The following MXD1 variants were observed in gnomAD, a reference collection of about 807,000 sequenced individuals.
MXD1 encodes the protein MAX-binding protein.
A neutral mutation model predicts 25.7 loss-of-function variants in MXD1; 9 were observed. The observed-to-expected ratio is 0.35, with a 90% CI of 0.21 to 0.61. MXD1 has a LOEUF of 0.61. Among genes scored for constraint, MXD1 ranks in the 20% least tolerant of loss-of-function variants. MXD1 has a pLI of 0.75. For missense variants in MXD1, 227 were observed against 292.4 expected (o/e 0.78, Z 1.63); for synonymous variants, 99 against 113.9 (o/e 0.87, Z 0.83).
At chr2:69,922,185 T>C (rs1036545476) in intron 3 of MXD1, among the ~76,000 whole-genome samples, 4 of 152,226 alleles carry the variant, frequency 2.6e-5, no homozygotes, top group African/African-American at 7.2e-5. Context: ...TTAACGTGTA[T>C]GTATGTGTAT....
At position 69,937,307 on chromosome 2, in the gene MXD1, A is replaced by T. The variant is rs763329171; in HGVS notation, c.391A>T (p.Arg131Trp). The change falls in exon 5 of 6, where the codon AGG becomes TGG. Residue 131 changes from arginine to tryptophan, a missense_variant. By Grantham distance (101) the Arg-to-Trp change is moderately radical. Coordinates refer to ENST00000264444, the MANE Select transcript of MXD1 (RefSeq NM_002357.4). ...QLQREQRHLKRQLEKLGIERI... is the reference protein window; with the variant it reads ...QLQREQRHLKWQLEKLGIERI... ...TCAGCGAGAGCAGCGACACCTGAAG[A>T]GGCAGCTGGAGAAGCTGGGCATTGA... 2 of 1,614,224 alleles carry T rather than the reference A, an allele frequency of 1.2e-6. No individual in the cohort carries two copies. Among genetic ancestry groups the T allele is most frequent in the Admixed American group, 3.3e-5 (2 of 60,032 alleles).
At chr2:69,930,899 A>G (rs950749659) in intron 3 of MXD1, among the ~76,000 whole-genome samples, 2 of 152,194 alleles carry the variant, frequency 1.3e-5, no homozygotes, top group Non-Finnish European at 2.9e-5. Context: ...CAGCCCTCCC[A>G]GGGAGGCGCT....
In MXD1 at chr2:69,942,245, C is replaced by G. The variant is rs1183349418; in HGVS notation, c.*3961C>G. 6.6e-6 allele frequency: 1 copy of G among 152,206 alleles called. No homozygotes were observed. Among genetic ancestry groups the G allele is most frequent in the East Asian group, 1.9e-4 (1 of 5,202 alleles). 9.4% of individuals were successfully genotyped at this position (152,206 alleles called of 1,614,324 possible). A position where few individuals can be genotyped will look rare whatever the true frequency, so the allele number is the denominator to read the frequency against. On this transcript the variant is annotated 3_prime_UTR_variant, in exon 6 of 6. Coordinates refer to ENST00000264444, the MANE Select transcript of MXD1 (RefSeq NM_002357.4). The stretch of plus-strand genomic sequence containing the variant: ...CCTGGTAGAAGACAACCCAAAGACC[C>G]TTTTCGATGAGGTGGTTTCTCATTC...
At position 69,924,887 on chromosome 2, in the gene MXD1, T is replaced by C. The variant is rs183553148; in HGVS notation, c.203+3122T>C. 3.2e-4 allele frequency among the ~76,000 whole-genome samples: 48 copies of C among 152,342 alleles called. 1 individual carries two copies. The East Asian group carries it at 8.1e-3, about 26-fold the overall frequency. On this transcript the variant is annotated intron_variant, in intron 3 of 5. Coordinates refer to ENST00000264444, the MANE Select transcript of MXD1 (RefSeq NM_002357.4). The stretch of plus-strand genomic sequence containing the variant: ...AATGGAAACCTTTTCTATGGCACTT[T>C]AGAGATTGTAAATAATTAGTGTTAC...
chr2:69,940,933 C>G lies in MXD1; in HGVS notation c.*2649C>G, dbSNP rs1488783123. 2 of 152,676 alleles carry G rather than the reference C, an allele frequency of 1.3e-5. No individual in the cohort carries two copies. Among genetic ancestry groups the G allele is most frequent in the African/African-American group, 4.8e-5 (2 of 41,466 alleles). The allele number at this position is 152,676 out of a possible 1,614,324, so 9.5% of individuals were successfully genotyped here. A position where few individuals can be genotyped will look rare whatever the true frequency, so the allele number is the denominator to read the frequency against. On this transcript the variant is annotated 3_prime_UTR_variant, in exon 6 of 6. Transcript: ENST00000264444. ...ATTCGCCAATTTGTCCTCTCTCATT[C>G]ACTGATCCACCAGCCTGACTGCTAA... is the stretch of plus-strand genomic sequence containing the variant.
intron 3 of MXD1, among the ~76,000 whole-genome samples, chr2:69,933,908 A>G (rs1363349861): frequency 6.6e-6 from 1 of 152,128 alleles, no homozygotes; most frequent in African/African-American, 2.4e-5. Context: ...ACCCCAGGGA[A>G]CTCTGCTCCA....
chr2:69,916,664 G>T (rs1390158035), intron 2 of MXD1, among the ~76,000 whole-genome samples: 1 of 152,100 alleles, frequency 6.6e-6, no homozygotes, highest in Admixed American at 6.5e-5. Flanking sequence ...ATAAGTGATA[G>T]GATCTCATAC....
chr2:69,932,838 C>A (rs1677324506), intron 3 of MXD1, among the ~76,000 whole-genome samples: 1 of 152,168 alleles, frequency 6.6e-6, no homozygotes, highest in Non-Finnish European at 1.5e-5. Flanking sequence ...TGACACTGTT[C>A]TGAATCATGC....
intron 2 of MXD1, among the ~76,000 whole-genome samples, chr2:69,917,091 T>C (rs999913920): frequency 1.3e-5 from 2 of 152,204 alleles, no homozygotes; most frequent in Non-Finnish European, 2.9e-5. Flanking sequence ...GTCACTAGTT[T>C]AGAATCCTTA....
intron 4 of MXD1, chr2:69,936,977 G>A (rs767127646): frequency 3.3e-6 from 2 of 599,216 alleles, no homozygotes; most frequent in African/African-American, 1.8e-5. Flanking sequence ...GGCTACCAGG[G>A]TGCCAGTATG....
intron 3 of MXD1, among the ~76,000 whole-genome samples, chr2:69,930,740 A>C (rs1456387514): frequency 6.6e-6 from 1 of 152,218 alleles, no homozygotes; most frequent in African/African-American, 2.4e-5. Flanking sequence ...GGAATATCAT[A>C]GTGCTCTTAT....
In MXD1 at chr2:69,938,372, C is replaced by A; in HGVS notation, c.*88C>A. The A allele has an allele frequency of 6.4e-6, 9 of 1,397,754 alleles. No homozygotes were observed. Among genetic ancestry groups the A allele is most frequent in the African/African-American group, 1.4e-5 (1 of 70,044 alleles). The allele number at this position is 1,397,754 out of a possible 1,614,324, so 86.6% of individuals were successfully genotyped here. A position where few individuals can be genotyped will look rare whatever the true frequency, so the allele number is the denominator to read the frequency against. On this transcript the variant is annotated 3_prime_UTR_variant, in exon 6 of 6. Coordinates refer to ENST00000264444, the MANE Select transcript of MXD1 (RefSeq NM_002357.4). ...ATTGGACCTGCCCACAACTCCCTTG[C>A]ACGTAAACTTCAGTGTCCCACCTTG... is the stretch of plus-strand genomic sequence containing the variant.
chr2:69,928,108 T>TA (rs1191980426), intron 3 of MXD1, among the ~76,000 whole-genome samples: 3 of 152,216 alleles, frequency 2.0e-5, no homozygotes, highest in Admixed American at 1.3e-4. Context: ...TGTTCCTTCT[T>TA]ACTCTATACT....
chr2:69,938,175 C>G lies in MXD1; in HGVS notation c.557C>G (p.Ser186Cys). Residue 186 changes from serine (S) to cysteine (C), a missense_variant, in exon 6 of 6, where the codon TCT (serine) becomes TGT (cysteine). Ser to Cys is a moderately radical substitution (Grantham distance 112). Coordinates refer to ENST00000264444, the MANE Select transcript of MXD1 (RefSeq NM_002357.4). ...LDWSSSSVSD[S>C]DERGSMQSLG... ...TGGAGCAGCAGCAGTGTGAGCGACT[C>G]TGACGAGCGGGGCAGCATGCAGAGC... The G allele has an allele frequency of 6.2e-7, 1 of 1,614,226 alleles. No individual in the cohort carries two copies. Among genetic ancestry groups the G allele is most frequent in the Non-Finnish European group, 8.5e-7 (1 of 1,180,040 alleles).
At position 69,940,799 on chromosome 2, in the gene MXD1, T is replaced by TTC. The variant is rs1207937540; in HGVS notation, c.*2523_*2524dup. Reference sequence around the variant, plus strand: ...GACCGAGTCAGCATGCTAGACAGGCTTCTCTCTCTAACCAAAACTGTAATC... The same window carrying TTC: ...GACCGAGTCAGCATGCTAGACAGGCTTCTCTCTCTCTAACCAAAACTGTAATC... On this transcript the variant is annotated 3_prime_UTR_variant, in exon 6 of 6. Coordinates refer to ENST00000264444, the MANE Select transcript of MXD1 (RefSeq NM_002357.4). 1 of 152,638 alleles carries TTC rather than the reference T, an allele frequency of 6.6e-6. No homozygotes were observed. Among genetic ancestry groups the TTC allele is most frequent in the Non-Finnish European group, 1.5e-5 (1 of 68,048 alleles). 9.5% of individuals were successfully genotyped at this position (152,638 alleles called of 1,614,324 possible). A position where few individuals can be genotyped will look rare whatever the true frequency, so the allele number is the denominator to read the frequency against.
intron 3 of MXD1, among the ~76,000 whole-genome samples, chr2:69,928,186 C>G (rs1677207562): frequency 6.6e-6 from 1 of 152,124 alleles, no homozygotes; most frequent in Non-Finnish European, 1.5e-5. Flanking sequence ...TGTTCAAACT[C>G]CAATTATCTT....
At chr2:69,931,441 G>C (rs769615543) in intron 3 of MXD1, among the ~76,000 whole-genome samples, 20 of 151,930 alleles carry the variant, frequency 1.3e-4, no homozygotes, top group Non-Finnish European at 2.4e-4. Context: ...TTGTCTTTCT[G>C]TGCCTGGCTT....
At chr2:69,933,238 TTAGTC>T (rs1677342778) in intron 3 of MXD1, among the ~76,000 whole-genome samples, 1 of 140,930 alleles carries the variant, frequency 7.1e-6, no homozygotes, top group Admixed American at 7.4e-5. Flanking sequence ...AAAAAGAAAA[TTAGTC>T]TATAAGTTTT....
At chr2:69,919,413 C>T (rs951422535) in intron 2 of MXD1, among the ~76,000 whole-genome samples, 15 of 152,274 alleles carry the variant, frequency 9.9e-5, no homozygotes, top group African/African-American at 3.4e-4. Context: ...GGCACCATCT[C>T]GACTTACTAC....
Sources: gnomAD v4.1 joint callset for allele counts (sites outside exome capture counted in the v4.1 genomes callset) on GRCh38, gnomAD v4.1.1 for gene constraint, MANE v1.5 for transcripts, NCBI Gene and HGNC (gene_info 2026-07-23, HGNC 2026-07-21) for gene names.